Variants in MYLK4 observed in about 807,000 individuals in gnomAD.
MYLK4 encodes caMLCK like.
A neutral mutation model predicts 48.1 loss-of-function variants in MYLK4; 46 were observed. The observed-to-expected ratio is 0.96, with a 90% CI of 0.75 to 1.22. MYLK4 has a LOEUF of 1.22. Ranked by LOEUF, MYLK4 falls within the 50% of genes most tolerant of loss-of-function variation. The pLI is 0.00. For missense variants in MYLK4, 451 were observed against 486.1 expected (o/e 0.93, Z 0.68); for synonymous variants, 170 against 180.8 (o/e 0.94, Z 0.48).
chr6:2,726,857 C>G (rs1392534062), intron 2 of MYLK4, among the ~76,000 whole-genome samples: 1 of 152,174 alleles, frequency 6.6e-6, no homozygotes, highest in Non-Finnish European at 1.5e-5. Context: ...AGGTGATCCA[C>G]CACCTCAGCC....
chr6:2,767,943 T>A, the MYLK4 span, among the ~76,000 whole-genome samples: 1 of 152,218 alleles, frequency 6.6e-6, no homozygotes, highest in African/African-American at 2.4e-5. Flanking sequence ...GAAAAGAAAG[T>A]ACCACCTTTC....
the MYLK4 span, among the ~76,000 whole-genome samples, chr6:2,764,581 AATTC>A: frequency 1.6e-4 from 23 of 144,140 alleles, no homozygotes; most frequent in Admixed American, 9.0e-4. Context: ...ATAACATGGT[AATTC>A]ATTCAAAGAT....
chr6:2,744,084 T>G, intron 2 of MYLK4: 1 of 398,886 alleles, frequency 2.5e-6, no homozygotes, highest in Non-Finnish European at 4.4e-6. Flanking sequence ...GTTCCTTCCC[T>G]GCCCTGATCT....
At chr6:2,696,490 G>T (rs182436524) in intron 2 of MYLK4, among the ~76,000 whole-genome samples, 16 of 152,320 alleles carry the variant, frequency 1.1e-4, no homozygotes, top group African/African-American at 3.6e-4. Flanking sequence ...ATGAAAGTTT[G>T]CTCACTCTTT....
At chr6:2,697,833 C>T (rs981539547) in intron 2 of MYLK4, among the ~76,000 whole-genome samples, 5 of 152,196 alleles carry the variant, frequency 3.3e-5, no homozygotes, top group Non-Finnish European at 7.3e-5. Context: ...TCTTCCCCTT[C>T]GTTTCCCCAG....
At chr6:2,762,593 A>G in the MYLK4 span, among the ~76,000 whole-genome samples, 45 of 152,336 alleles carry the variant, frequency 3.0e-4, no homozygotes, top group African/African-American at 1.1e-3. Flanking sequence ...ATCAGCCCTA[A>G]AACTTGTTTT....
intron 2 of MYLK4, among the ~76,000 whole-genome samples, chr6:2,734,942 T>C (rs184937355): frequency 6.6e-6 from 1 of 152,332 alleles, no homozygotes; most frequent in African/African-American, 2.4e-5. Flanking sequence ...TCCCAGGGAA[T>C]GCTTGAGGCC....
chr6:2,764,187 A>G, the MYLK4 span, among the ~76,000 whole-genome samples: 2 of 152,236 alleles, frequency 1.3e-5, no homozygotes, highest in Non-Finnish European at 2.9e-5. Context: ...CATGATGATT[A>G]AAGTTTAACT....
At chr6:2,696,588 C>T (rs542696098) in intron 2 of MYLK4, among the ~76,000 whole-genome samples, 1 of 152,364 alleles carries the variant, frequency 6.6e-6, no homozygotes, top group African/African-American at 2.4e-5. Flanking sequence ...TCTCAGCCCC[C>T]AGAACTGTGA....
chr6:2,765,603 C>A, the MYLK4 span: 1 of 1,494,652 alleles, frequency 6.7e-7, no homozygotes, highest in Non-Finnish European at 8.9e-7. Flanking sequence ...CGCCGGGCGC[C>A]GGGGAGGGCG....
rs139578032 is a variant in MYLK4 at position 2,740,327 on chromosome 6, T to C, written c.159+8809A>G. ...CCATAGAGGTCTAGTCTGAAAGTGC[T>C]TCACCTCAGGCCACTGCATTACGCC... is the stretch of plus-strand genomic sequence containing the variant. On this transcript the variant is annotated intron_variant, in intron 2 of 12. Transcript: ENST00000274643. Among the ~76,000 whole-genome samples, 3 of 152,376 alleles carry C rather than the reference T, an allele frequency of 2.0e-5. No individual in the cohort carries two copies. In the East Asian group the frequency reaches 5.8e-4, roughly 29 times the overall value.
At chr6:2,730,653 T>C (rs542855556) in intron 2 of MYLK4, among the ~76,000 whole-genome samples, 18 of 152,124 alleles carry the variant, frequency 1.2e-4, no homozygotes, top group Non-Finnish European at 1.2e-4. Context: ...TGCTATTTAA[T>C]ACAGAGGAGA....
At chr6:2,763,550 G>A in the MYLK4 span, among the ~76,000 whole-genome samples, 1 of 152,230 alleles carries the variant, frequency 6.6e-6, no homozygotes, top group African/African-American at 2.4e-5. Context: ...GGTGGTGCAG[G>A]CCGCTCCGAG....
intron 2 of MYLK4, among the ~76,000 whole-genome samples, chr6:2,714,917 T>C (rs186491973): frequency 1.3e-5 from 2 of 152,288 alleles, no homozygotes; most frequent in Admixed American, 1.3e-4. Context: ...AGACAGAAAG[T>C]AGAACAGTGG....
the MYLK4 span, chr6:2,765,547 C>T: frequency 1.4e-5 from 19 of 1,357,678 alleles, no homozygotes; most frequent in East Asian, 6.5e-5. Flanking sequence ...CGGGGCCTAG[C>T]GGAGGGCATC....
At chr6:2,765,192 C>CA in the MYLK4 span, among the ~76,000 whole-genome samples, 1 of 86,752 alleles carries the variant, frequency 1.2e-5, no homozygotes. Context: ...ACCCCCCCCC[C>CA]CGCCCCTCCC....
At chr6:2,756,893 T>C in the MYLK4 span, among the ~76,000 whole-genome samples, 1 of 152,256 alleles carries the variant, frequency 6.6e-6, no homozygotes, top group Non-Finnish European at 1.5e-5. Flanking sequence ...TTTATGTTTA[T>C]GTTCTCGGGA....
At chr6:2,683,191 A>C (rs750186998) in intron 6 of MYLK4, 29 bp from the exon 7 acceptor site, 1 of 1,613,572 alleles carries the variant, frequency 6.2e-7, no homozygotes. Flanking sequence ...TGAAACCCTC[A>C]GTCCCGATTT....
At chr6:2,742,486 A>G (rs1763929454) in intron 2 of MYLK4, among the ~76,000 whole-genome samples, 1 of 151,286 alleles carries the variant, frequency 6.6e-6, no homozygotes. Context: ...CAACAATGAT[A>G]GACTGGATTA....
Sources: allele counts gnomAD v4.1 joint callset (sites outside exome capture counted in the v4.1 genomes callset), GRCh38; gene constraint gnomAD v4.1.1; transcripts MANE v1.5; gene names NCBI Gene and HGNC (gene_info 2026-07-23, HGNC 2026-07-21).